ANO9: variants seen among roughly 807,000 people sequenced by gnomAD.
ANO9 encodes anoctamin-9.
In ANO9, 80 loss-of-function variants were observed where a neutral mutation model predicts 100.5. That is an observed-to-expected ratio of 0.80 (90% CI 0.66 to 0.96). The LOEUF (loss-of-function observed/expected upper bound fraction) is 0.96, where lower values mean the gene tolerates loss of function less well. Among genes scored for constraint, ANO9 ranks in the 40% least tolerant of loss-of-function variants. The pLI, the probability that ANO9 is intolerant of heterozygous loss-of-function variation, is 0.00. For missense variants in ANO9, 1,064 were observed against 1,072.7 expected (o/e 0.99, Z 0.11); for synonymous variants, 473 against 435.6 (o/e 1.09, Z -1.07).
At chr11:441,157 C>G (rs531532459) in intron 1 of ANO9, among the ~76,000 whole-genome samples, 1 of 152,184 alleles carries the variant, frequency 6.6e-6, no homozygotes, top group African/African-American at 2.4e-5. Flanking sequence ...GCAGCCCACA[C>G]GTGGAGGCCC....
At position 430,139 on chromosome 11, in the gene ANO9, G is replaced by C. The variant is rs1365871748; in HGVS notation, c.715C>G (p.Leu239Val). The C allele has an allele frequency of 1.9e-6, 3 of 1,553,960 alleles. No individual in the cohort carries two copies. In the African/African-American group the frequency reaches 4.1e-5, roughly 21 times the overall value. The change falls in exon 9 of 23, where the codon CTC (leucine) becomes GTC (valine). Residue 239 changes from leucine (L) to valine (V), a missense_variant. Leu to Val is a conservative substitution (Grantham distance 32, BLOSUM62 1). Transcript: ENST00000332826. ...CEAHDILMCP[L>V]GDHSRRYQRL... ...TGGTACCTGCGGCTGTGGTCGCCGA[G>C]GGGACACATGAGGATGTCGTGGGCC...
intron 2 of ANO9, 40 bp from the exon 3 acceptor site, chr11:433,977 G>T (rs1362223970): frequency 1.9e-6 from 3 of 1,552,014 alleles, no homozygotes; most frequent in Admixed American, 3.9e-5. Context: ...AGGTGAAGGG[G>T]CAGAGCAGGG....
rs1158482377 is a variant in ANO9, at chr11:420,605, G to C, written c.1644C>G (p.Tyr548Ter). ...CGGCCACGAAGATGGTGGTGAAGCC[G>C]TACTGGATCACTGCGCGGTGGGGGT... ...FDEFMEMMIQ[Y>*]GFTTIFVAAF... is the part of the protein sequence containing the mutation. Residue 548 changes from tyrosine (Y) to a stop codon, truncating the protein, a stop_gained, in exon 19 of 23, where the codon TAC becomes TAG. Transcript: ENST00000332826. LOFTEE classifies it high-confidence loss of function. The C allele has an allele frequency of 6.2e-7, 1 of 1,604,608 alleles. No individual in the cohort carries two copies. Among genetic ancestry groups the C allele is most frequent in the Non-Finnish European group, 8.5e-7 (1 of 1,179,428 alleles).
chr11:429,594 G>A lies in ANO9; in HGVS notation c.891C>T (p.Asp297=). Residue 297 remains aspartate, a synonymous_variant, in exon 11 of 23, where the codon GAC becomes GAT. Transcript: ENST00000332826. Reference sequence around the variant, plus strand: ...CCTGTTCCTCGTCCCACACGTACAGGTCCCAGTGCAGGACCACGCGGGCGC... The same window carrying A: ...CCTGTTCCTCGTCCCACACGTACAGATCCCAGTGCAGGACCACGCGGGCGC... ...RQRARVVLHW[D]LYVWDEEQEE... is the part of the protein sequence containing the mutation. The A allele has an allele frequency of 1.2e-6, 2 of 1,612,604 alleles. No individual in the cohort carries two copies. The highest frequency in any genetic ancestry group is 1.7e-6 in the Non-Finnish European group (2 of 1,179,878).
At chr11:434,247 G>T (rs1409167806) in intron 1 of ANO9, 149 bp from the exon 2 acceptor site, 5 of 979,892 alleles carry the variant, frequency 5.1e-6, no homozygotes, top group Non-Finnish European at 7.3e-6. Flanking sequence ...GATGGCTGTA[G>T]GCGGGTGACA....
Position 428,641 on chromosome 11 carries a change from T to C in ANO9, c.1021-2A>G, listed in dbSNP as rs1848672090. 6 of 1,611,500 alleles carry C rather than the reference T, an allele frequency of 3.7e-6. No homozygotes were observed. Among genetic ancestry groups the C allele is most frequent in the Non-Finnish European group, 5.1e-6 (6 of 1,179,202 alleles). On this transcript the variant is annotated splice_acceptor_variant, in intron 12 of 22. Transcript: ENST00000332826. LOFTEE classifies it high-confidence loss of function. ...GGCCATGCCGATCATGAGGCAGATCTGCGGGACAGCTGTGGTGGGCGGGGG... is the reference window on the plus strand; with the variant it reads ...GGCCATGCCGATCATGAGGCAGATCCGCGGGACAGCTGTGGTGGGCGGGGG...
intron 3 of ANO9, 73 bp downstream of exon 3, chr11:433,742 C>G (rs1177735417): frequency 6.7e-7 from 1 of 1,501,442 alleles, no homozygotes; most frequent in Non-Finnish European, 8.9e-7. Context: ...CCCGCCCCAG[C>G]CCCATGGCCC....
intron 1 of ANO9, among the ~76,000 whole-genome samples, chr11:436,053 C>CT (rs1849508557): frequency 8.7e-6 from 1 of 115,418 alleles, no homozygotes; most frequent in Admixed American, 8.6e-5. Context: ...TTTTTTTTTT[C>CT]TTTTCTTTCC....
At chr11:425,294 G>A (rs551696304) in intron 15 of ANO9, among the ~76,000 whole-genome samples, 3 of 149,318 alleles carry the variant, frequency 2.0e-5, no homozygotes, top group Non-Finnish European at 3.0e-5. Flanking sequence ...ACGCGCGGGA[G>A]GAAAAGGCTC....
At chr11:441,790 C>G (rs1845893741) in intron 1 of ANO9, 131 bp downstream of exon 1, 2 of 1,376,714 alleles carry the variant, frequency 1.5e-6, no homozygotes, top group Non-Finnish European at 1.9e-6. Context: ...GACCGGGCAG[C>G]CTGCAGGGAC....
chr11:433,947 G>A lies in ANO9; in HGVS notation c.82-10C>T, dbSNP rs1216402875. 1 of 1,557,874 alleles carries A rather than the reference G, an allele frequency of 6.4e-7. No individual in the cohort carries two copies. The highest frequency in any genetic ancestry group is 8.7e-7 in the Non-Finnish European group (1 of 1,150,528). On this transcript the variant is annotated splice_polypyrimidine_tract_variant and intron_variant, in intron 2 of 22. Transcript: ENST00000332826. Reference sequence around the variant, plus strand: ...GCTCGGAGGCCTCGGTCTGCAGGGAGGAGGCATGGGGCCAGGCGCAGGTGA... The same window carrying A: ...GCTCGGAGGCCTCGGTCTGCAGGGAAGAGGCATGGGGCCAGGCGCAGGTGA...
chr11:421,669 C>T lies in ANO9; in HGVS notation c.1335-471G>A, dbSNP rs1848206068. On this transcript the variant is annotated intron_variant, in intron 15 of 22. Coordinates refer to ENST00000332826, the MANE Select transcript of ANO9 (RefSeq NM_001012302.3). The surrounding 1 kb of genome is among the most constrained non-coding windows in gnomAD (Gnocchi z 6.8). ...GTGGGCGCACACACACACACACAGG[C>T]AAGGCCACAGGCTCCAACACACGCT... Among the ~76,000 whole-genome samples the T allele has an allele frequency of 6.6e-6, 1 of 151,970 alleles. No homozygotes were observed. Among genetic ancestry groups the T allele is most frequent in the Admixed American group, 6.5e-5 (1 of 15,270 alleles).
Position 428,725 on chromosome 11 carries a change from G to A in ANO9, c.1017C>T (p.Leu339=), listed in dbSNP as rs1590455493. Residue 339 remains leucine (L), a synonymous_variant, in exon 12 of 23, where the codon CTC becomes CTT. Transcript: ENST00000332826. ...CACCGCGGTGTCCCCTGCGTACCAT[G>A]AGCAGGGTCAGGACGAGGATGACGG... ...RSTVILVLTL[L]MICLMIGMAH... is the part of the protein sequence containing the mutation. 2 of 1,613,226 alleles carry A rather than the reference G, an allele frequency of 1.2e-6. No homozygotes were observed. The highest frequency in any genetic ancestry group is 2.2e-5 in the East Asian group (1 of 44,894).
chr11:420,491 G>T lies in ANO9; in HGVS notation c.1758C>A (p.Arg586=). 6.2e-7 allele frequency: 1 copy of T among 1,603,862 alleles called. No individual in the cohort carries two copies. ...TGTCCTTGGCCTTGCGCGGCACCAG[G>T]CGCCGCTGCAACCAGACCATCTTGA... The part of the protein sequence containing the change: ...DAIKMVWLQR[R]LVPRKAKDIG... Residue 586 remains arginine, a synonymous_variant, in exon 19 of 23, where the codon CGC becomes CGA. Transcript: ENST00000332826.
intron 1 of ANO9, among the ~76,000 whole-genome samples, chr11:438,854 G>T (rs1315703372): frequency 6.6e-6 from 1 of 152,126 alleles, no homozygotes; most frequent in East Asian, 1.9e-4. Flanking sequence ...CAGTCCATGG[G>T]CCCCACCTCC....
chr11:419,265 G>T, intron 20 of ANO9: 1 of 1,419,466 alleles, frequency 7.0e-7, no homozygotes, highest in Non-Finnish European at 9.2e-7. Context: ...CGAGGTCAGA[G>T]AGCTGGATAA....
Position 421,030 on chromosome 11 carries a change from C to T in ANO9, c.1405G>A (p.Gly469Ser), listed in dbSNP as rs1340052021. Residue 469 changes from glycine (G) to serine (S), a missense_variant, in exon 17 of 23, where the codon GGC (glycine) becomes AGC (serine). Physicochemically the swap from Gly to Ser is moderately conservative, Grantham distance 56 (BLOSUM62 0). Transcript: ENST00000332826. This position sits in a 1 kb window ranked among gnomAD's most constrained non-coding sequence, Gnocchi z 6.8. ...TGCACGAAGAGGTCCATCATGCAGC[C>T]GCTGGCGTGGCACTGCGGGGCCAGA... ...LWKLEECHASGCMMDLFVQMA... is the reference protein window; with the variant it reads ...LWKLEECHASSCMMDLFVQMA... The T allele has an allele frequency of 2.5e-6, 4 of 1,603,244 alleles. No individual in the cohort carries two copies. Among genetic ancestry groups the T allele is most frequent in the East Asian group, 2.2e-5 (1 of 44,544 alleles).
chr11:434,649 C>T (rs1004406502), intron 1 of ANO9, among the ~76,000 whole-genome samples: 1 of 152,206 alleles, frequency 6.6e-6, no homozygotes, highest in African/African-American at 2.4e-5. Context: ...TCCCTGGGGG[C>T]TGGGCAGATG....
At chr11:439,703 C>T (rs980798194) in intron 1 of ANO9, among the ~76,000 whole-genome samples, 3 of 152,174 alleles carry the variant, frequency 2.0e-5, no homozygotes, top group East Asian at 1.9e-4. Flanking sequence ...TCTGCCCCAC[C>T]GCAGTCCCAA....
Sources: allele counts gnomAD v4.1 joint callset (sites outside exome capture counted in the v4.1 genomes callset), GRCh38; gene constraint gnomAD v4.1.1; non-coding constraint Gnocchi (gnomAD v3.1); transcripts MANE v1.5; gene names NCBI Gene and HGNC (gene_info 2026-07-23, HGNC 2026-07-21).